Variants in LINC00305 observed in about 807,000 individuals in gnomAD.
The protein encoded by LINC00305 is long intergenic non-protein coding RNA 305.
At chr18:64,121,097 A>T (rs752025547) in intron 1 of LINC00305, among the ~76,000 whole-genome samples, 20 of 152,270 alleles carry the variant, frequency 1.3e-4, no homozygotes, top group Non-Finnish European at 1.3e-4. Context: ...TACATGGAAC[A>T]TTTACATTAT....
chr18:64,111,727 T>C (rs2051315271), intron 1 of LINC00305, among the ~76,000 whole-genome samples: 1 of 152,142 alleles, frequency 6.6e-6, no homozygotes, highest in Non-Finnish European at 1.5e-5. Flanking sequence ...GATGGCTTTC[T>C]GGTCTCTCAA....
At chr18:64,083,368 A>G (rs1358318043) in intron 3 of LINC00305, among the ~76,000 whole-genome samples, 1 of 152,158 alleles carries the variant, frequency 6.6e-6, no homozygotes, top group Non-Finnish European at 1.5e-5. Flanking sequence ...CTATAATTCT[A>G]TTAGTGTGCC....
At chr18:64,106,385 C>T (rs1041749187) in intron 1 of LINC00305, among the ~76,000 whole-genome samples, 4 of 152,162 alleles carry the variant, frequency 2.6e-5, no homozygotes, top group African/African-American at 9.7e-5. Context: ...TCCACACCTG[C>T]TCCTGGCTAT....
intron 1 of LINC00305, among the ~76,000 whole-genome samples, chr18:64,123,308 T>C (rs1180602440): frequency 1.3e-5 from 2 of 152,128 alleles, no homozygotes; most frequent in Non-Finnish European, 2.9e-5. Flanking sequence ...ATTGTAGTCA[T>C]AGCCAAATAT....
At chr18:64,148,740 A>C (rs915716025) in intron 1 of LINC00305, 2 of 151,924 alleles carry the variant, frequency 1.3e-5, no homozygotes, top group Non-Finnish European at 2.9e-5. Context: ...TTTTTTTCAA[A>C]GTTATAAGTA....
intron 1 of LINC00305, among the ~76,000 whole-genome samples, chr18:64,121,083 A>G (rs1049710703): frequency 6.6e-6 from 1 of 152,154 alleles, no homozygotes; most frequent in African/African-American, 2.4e-5. Context: ...CAGTATAAAA[A>G]TGGTACATGG....
At chr18:64,148,737 CA>C (rs199707925) in intron 1 of LINC00305, 2,425 of 151,976 alleles carry the variant, frequency 0.016, 25 homozygotes, top group South Asian at 0.041. Flanking sequence ...TCTTTTTTTT[CA>C]AAGTTATAAG....
chr18:64,098,710 C>G (rs189356509), intron 1 of LINC00305: 1 of 375,032 alleles, frequency 2.7e-6, no homozygotes, highest in African/African-American at 2.1e-5. Flanking sequence ...AAGTGAGTAA[C>G]CCTGGGAGTG....
chr18:64,086,111 A>C (rs2051202276), intron 3 of LINC00305, among the ~76,000 whole-genome samples: 1 of 152,246 alleles, frequency 6.6e-6, no homozygotes, highest in African/African-American at 2.4e-5. Flanking sequence ...GATTGACTAA[A>C]GTGCAGAAAG....
In LINC00305 at chr18:64,090,152, A is replaced by G. The variant is rs985561; in HGVS notation, n.540+7682T>C. Reference sequence around the variant, plus strand: ...ATCTTTAAACCAAACCTAGGTGGAAAAGTTTATAGCCAATATCACTAAGTG... The same window carrying G: ...ATCTTTAAACCAAACCTAGGTGGAAGAGTTTATAGCCAATATCACTAAGTG... On this transcript the variant is annotated intron_variant and non_coding_transcript_variant, in intron 3 of 3. Transcript: ENST00000666468. Among the ~76,000 whole-genome samples, 1,245 of 152,300 alleles carry G rather than the reference A, an allele frequency of 8.2e-3. 13 individuals are homozygous for G. Among genetic ancestry groups the G allele is most frequent in the African/African-American group, 0.028 (1,171 of 41,568 alleles).
intron 1 of LINC00305, among the ~76,000 whole-genome samples, chr18:64,112,087 G>A (rs118127429): frequency 2.0e-3 from 305 of 152,120 alleles, no homozygotes; most frequent in Non-Finnish European, 2.4e-3. Flanking sequence ...ATCAGCATGC[G>A]TGTGACAGTC....
At chr18:64,098,606 A>T (rs771577711) in exon 2 of LINC00305, 6 of 440,682 alleles carry the variant, frequency 1.4e-5, no homozygotes, top group South Asian at 9.8e-5. Flanking sequence ...ATGAAGGTTG[A>T]TCATATCCAG....
intron 1 of LINC00305, among the ~76,000 whole-genome samples, chr18:64,148,426 T>C (rs1218756904): frequency 6.6e-6 from 1 of 151,766 alleles, no homozygotes; most frequent in African/African-American, 2.4e-5. Flanking sequence ...TTTTTGCTTG[T>C]TATATAATCA....
intron 3 of LINC00305, among the ~76,000 whole-genome samples, chr18:64,094,254 G>C (rs1341398203): frequency 6.6e-6 from 1 of 152,214 alleles, no homozygotes; most frequent in East Asian, 1.9e-4. Flanking sequence ...AGAGCAATTG[G>C]AGGACAATTG....
chr18:64,142,105 G>A (rs1370156189), intron 1 of LINC00305, among the ~76,000 whole-genome samples: 2 of 152,166 alleles, frequency 1.3e-5, no homozygotes, highest in South Asian at 2.1e-4. Flanking sequence ...CTGTCTATGT[G>A]CACTGGTGAG....
At chr18:64,108,711 G>A (rs772985265) in intron 1 of LINC00305, among the ~76,000 whole-genome samples, 1 of 152,204 alleles carries the variant, frequency 6.6e-6, no homozygotes, top group Non-Finnish European at 1.5e-5. Context: ...CAATCTGATA[G>A]TGTTAGGTGT....
chr18:64,131,233 C>T (rs1287016334), intron 1 of LINC00305, among the ~76,000 whole-genome samples: 1 of 152,144 alleles, frequency 6.6e-6, no homozygotes, highest in Non-Finnish European at 1.5e-5. Flanking sequence ...CATGACTAAA[C>T]GTTGGAACTA....
At chr18:64,143,735 CACATATTATGCGTACATGTATGTA>C (rs2051481458) in intron 1 of LINC00305, among the ~76,000 whole-genome samples, 2 of 67,242 alleles carry the variant, frequency 3.0e-5, no homozygotes, top group African/African-American at 5.5e-5. Flanking sequence ...CATGTATGTC[CACATATTATGCGTACATGTATGTA>C]CACATATTAT....
intron 3 of LINC00305, among the ~76,000 whole-genome samples, chr18:64,095,119 A>G (rs112621018): frequency 6.6e-5 from 10 of 152,206 alleles, no homozygotes; most frequent in African/African-American, 2.4e-4. Context: ...TTAAATTAAA[A>G]CAGCAAGGAT....
Sources: gnomAD v4.1 joint callset for allele counts (sites outside exome capture counted in the v4.1 genomes callset) on GRCh38, gnomAD v4.1.1 for gene constraint, MANE v1.5 for transcripts, NCBI Gene and HGNC (gene_info 2026-07-23, HGNC 2026-07-21) for gene names.